The following TBL1X variants were observed in gnomAD, a reference collection of about 807,000 sequenced individuals.
TBL1X encodes transducin beta like 1 X-linked, also known as F-box-like/WD repeat-containing protein TBL1X.
A neutral mutation model predicts 50.7 loss-of-function variants in TBL1X; 10 were observed. The ratio of observed to expected loss-of-function variants is 0.20; its 90% CI spans 0.12 to 0.33. The LOEUF (loss-of-function observed/expected upper bound fraction) is 0.33. TBL1X is among the 10% of genes least tolerant of loss of function. TBL1X has a pLI of 1.00. For missense variants in TBL1X, 340 were observed against 504.4 expected (o/e 0.67, Z 3.12); for synonymous variants, 190 against 214.7 (o/e 0.88, Z 1.01).
intron 2 of TBL1X, among the ~76,000 whole-genome samples, chrX:9,526,882 C>G (rs968355780): frequency 1.8e-5 from 2 of 111,553 alleles, no homozygotes; most frequent in African/African-American, 6.5e-5. Context: ...TGTGGGGAGG[C>G]AGATACTGGA....
At chrX:9,547,394 A>G (rs1216900396) in intron 2 of TBL1X, among the ~76,000 whole-genome samples, 2 of 110,338 alleles carry the variant, frequency 1.8e-5, no homozygotes, top group Non-Finnish European at 3.8e-5. Context: ...ATCTCGACTC[A>G]CTGCAACCTC....
chrX:9,532,186 C>A (rs759080730), intron 2 of TBL1X, among the ~76,000 whole-genome samples: 1 of 111,847 alleles, frequency 8.9e-6, no homozygotes, highest in African/African-American at 3.2e-5. Context: ...GCATGTGGAT[C>A]TCTGTCCAAG....
At chrX:9,548,223 T>C (rs1264799512) in intron 2 of TBL1X, among the ~76,000 whole-genome samples, 1 of 111,141 alleles carries the variant, frequency 9.0e-6, no homozygotes, top group Non-Finnish European at 1.9e-5. Flanking sequence ...ATGCATATTT[T>C]ATCCTCTTTG....
chrX:9,688,384 A>G (rs2083075262), intron 7 of TBL1X, 109 bp downstream of exon 7: 1 of 713,046 alleles, frequency 1.4e-6, no homozygotes, highest in Non-Finnish European at 2.0e-6. Context: ...AATGTCTTAG[A>G]AGCTGCTCTC....
intron 13 of TBL1X, among the ~76,000 whole-genome samples, chrX:9,707,116 T>TG (rs909132464): frequency 1.3e-4 from 14 of 111,062 alleles, no homozygotes; most frequent in African/African-American, 4.6e-4. Context: ...TGGGGCAGGG[T>TG]GGGGGTCCCT....
At chrX:9,668,487 T>G (rs1357479475) in intron 5 of TBL1X, among the ~76,000 whole-genome samples, 1 of 112,509 alleles carries the variant, frequency 8.9e-6, no homozygotes, top group African/African-American at 3.2e-5. Flanking sequence ...TTTACCACTT[T>G]TAGCAATTGA....
At chrX:9,486,631 T>C (rs1437351154) in intron 1 of TBL1X, among the ~76,000 whole-genome samples, 2 of 107,159 alleles carry the variant, frequency 1.9e-5, no homozygotes, top group African/African-American at 6.8e-5. Context: ...TTCCCACCTT[T>C]CTGGACCAAA....
chrX:9,497,404 A>G (rs1346654171), intron 1 of TBL1X, among the ~76,000 whole-genome samples: 3 of 57,425 alleles, frequency 5.2e-5, no homozygotes, highest in Admixed American at 2.6e-4. Flanking sequence ...GCCAGACTCC[A>G]TCTCAAAAAA....
chrX:9,534,489 A>C (rs994549739), intron 2 of TBL1X, among the ~76,000 whole-genome samples: 1 of 110,522 alleles, frequency 9.0e-6, no homozygotes, highest in African/African-American at 3.3e-5. Flanking sequence ...CTTTTTTTTA[A>C]AAAAAGGTTT....
intron 2 of TBL1X, among the ~76,000 whole-genome samples, chrX:9,555,554 G>A (rs1008432769): frequency 2.7e-4 from 30 of 111,444 alleles, no homozygotes; most frequent in Admixed American, 1.9e-4. Flanking sequence ...CTCTGGGGTA[G>A]ATTTCTAGGA....
chrX:9,612,867 A>G (rs2082620392), intron 2 of TBL1X, among the ~76,000 whole-genome samples: 1 of 111,706 alleles, frequency 9.0e-6, no homozygotes, highest in African/African-American at 3.3e-5. Context: ...AAAATTTTAA[A>G]AACTGAATTA....
At chrX:9,706,218 G>A (rs377754595) in intron 13 of TBL1X, among the ~76,000 whole-genome samples, 14 of 111,426 alleles carry the variant, frequency 1.3e-4, no homozygotes, top group South Asian at 3.8e-4. Flanking sequence ...GGGAGATTGC[G>A]GAAGTAAGGT....
Position 9,486,945 on chromosome X carries a change from G to C in TBL1X, c.-200-14835G>C, listed in dbSNP as rs572239247. Among the ~76,000 whole-genome samples the C allele has an allele frequency of 1.1e-4, 12 of 111,413 alleles. No individual in the cohort carries two copies. The Admixed American group carries it at 1.1e-3, about 11-fold the overall frequency. ...CTGAGTGCATTCTGCAGGTACCTCC[G>C]GTCACCGCTTCTTATCTTTGCTGTT... On this transcript the variant is annotated intron_variant, in intron 1 of 17. Transcript: ENST00000645353.
chrX:9,501,543 C>T (rs1163388974), intron 1 of TBL1X, among the ~76,000 whole-genome samples: 1 of 111,033 alleles, frequency 9.0e-6, no homozygotes, highest in East Asian at 2.9e-4. Context: ...TGTTGCAGTT[C>T]AGGGAGCTAA....
intron 2 of TBL1X, among the ~76,000 whole-genome samples, chrX:9,594,757 A>G (rs2082519231): frequency 8.9e-6 from 1 of 112,088 alleles, no homozygotes; most frequent in African/African-American, 3.2e-5. Flanking sequence ...TTGTTATTTT[A>G]AATGGTTTTC....
chrX:9,546,701 A>G (rs1056983125), intron 2 of TBL1X, among the ~76,000 whole-genome samples: 6 of 109,588 alleles, frequency 5.5e-5, no homozygotes, highest in Non-Finnish European at 7.6e-5. Flanking sequence ...AAAATGATGC[A>G]TTTCTAATTC....
chrX:9,704,697 C>A lies in TBL1X; in HGVS notation c.1115-296C>A, dbSNP rs762815867. 5.4e-3 allele frequency among the ~76,000 whole-genome samples: 542 copies of A among 99,840 alleles called. 5 individuals carry two copies. The highest frequency in any genetic ancestry group is 0.02 in the African/African-American group (520 of 26,437). 86.7% of individuals were successfully genotyped at this position (99,840 alleles called of 115,157 possible). A position where few individuals can be genotyped will look rare whatever the true frequency, so the allele number is the denominator to read the frequency against. ...GTCAGGAGTTCAAGGCCATCCTGGG[C>A]AATATAGCAAGAACTCGTCTCTGCA... On this transcript the variant is annotated intron_variant, in intron 12 of 17. Transcript: ENST00000645353.
chrX:9,511,670 C>T (rs946086438), intron 2 of TBL1X, among the ~76,000 whole-genome samples: 2 of 112,351 alleles, frequency 1.8e-5, no homozygotes, highest in Non-Finnish European at 3.8e-5. Flanking sequence ...GTTGGTACTT[C>T]TCAATTCTCA....
rs1012767080 is a variant in TBL1X at position 9,683,153 on chromosome X, C to T, written c.212-890C>T. Reference sequence around the variant, plus strand: ...AGTGGGATGCCACCTCCCTCTCTCTCCTTGATGAAGGGCTGTCGCAGCTTC... The same window carrying T: ...AGTGGGATGCCACCTCCCTCTCTCTTCTTGATGAAGGGCTGTCGCAGCTTC... On this transcript the variant is annotated intron_variant, in intron 5 of 17. Transcript: ENST00000645353. Among the ~76,000 whole-genome samples the T allele has an allele frequency of 4.5e-5, 5 of 112,175 alleles. No individual in the cohort carries two copies. In the East Asian group the frequency reaches 1.4e-3, roughly 32 times the overall value.
Sources: gnomAD v4.1 joint callset for allele counts (sites outside exome capture counted in the v4.1 genomes callset) on GRCh38, gnomAD v4.1.1 for gene constraint, MANE v1.5 for transcripts, NCBI Gene and HGNC (gene_info 2026-07-23, HGNC 2026-07-21) for gene names.